The following APBB1IP variants were observed in gnomAD, a reference collection of about 807,000 sequenced individuals.
APBB1IP encodes the protein amyloid beta precursor protein binding family B member 1 interacting protein.
A neutral mutation model predicts 64.9 loss-of-function variants in APBB1IP; 27 were observed. The observed-to-expected ratio is 0.42, with a 90% CI of 0.31 to 0.57. APBB1IP has a LOEUF of 0.57. Among genes scored for constraint, APBB1IP ranks in the 20% least tolerant of loss-of-function variants. The probability of loss-of-function intolerance (pLI) is 0.20; values close to 1 mark genes in which losing one functional copy is unlikely to be tolerated. For missense variants in APBB1IP, 812 were observed against 845.5 expected (o/e 0.96, Z 0.49); for synonymous variants, 392 against 331.0 (o/e 1.18, Z -2.00).
At chr10:26,476,580 A>C (rs1835779248) in intron 2 of APBB1IP, among the ~76,000 whole-genome samples, 1 of 152,028 alleles carries the variant, frequency 6.6e-6, no homozygotes, top group Admixed American at 6.5e-5. Flanking sequence ...CTCATTATTT[A>C]CATTCTGCTA....
intron 6 of APBB1IP, among the ~76,000 whole-genome samples, chr10:26,508,694 T>C (rs1836215208): frequency 6.6e-6 from 1 of 152,154 alleles, no homozygotes; most frequent in Non-Finnish European, 1.5e-5. Context: ...CTGTGAAGAA[T>C]AGTAAATATA....
At chr10:26,524,955 C>CTTTCTTTTTTTTTTTTTTT (rs747655095) in intron 8 of APBB1IP, among the ~76,000 whole-genome samples, 4 of 73,958 alleles carry the variant, frequency 5.4e-5, no homozygotes, top group Non-Finnish European at 7.8e-5. Flanking sequence ...TTCTTTCTTT[C>CTTTCTTTTTTTTTTTTTTT]TTTTTTTTTT....
At chr10:26,560,936 T>C (rs979204961) in intron 13 of APBB1IP, 92 bp downstream of exon 13, 5 of 892,972 alleles carry the variant, frequency 5.6e-6, no homozygotes, top group Non-Finnish European at 8.1e-6. Context: ...CAGGACTTTG[T>C]ACACAGCATT....
intron 5 of APBB1IP, 104 bp from the exon 6 acceptor site, chr10:26,503,093 C>A (rs1435706003): frequency 1.8e-5 from 19 of 1,048,348 alleles, no homozygotes; most frequent in African/African-American, 6.4e-5. Context: ...AAATTTGGTA[C>A]CTTTTGTTAA....
chr10:26,485,484 A>G (rs770451441), intron 2 of APBB1IP, among the ~76,000 whole-genome samples: 6 of 152,220 alleles, frequency 3.9e-5, no homozygotes, highest in East Asian at 1.9e-4. Flanking sequence ...GAACACAAAC[A>G]TCAACAAGAT....
At chr10:26,524,957 T>TTC (rs1203444412) in intron 8 of APBB1IP, among the ~76,000 whole-genome samples, 8 of 130,398 alleles carry the variant, frequency 6.1e-5, no homozygotes, top group Admixed American at 1.7e-4. Context: ...CTTTCTTTCT[T>TTC]TTTTTTTTTT....
chr10:26,536,682 C>A (rs966812197), intron 10 of APBB1IP, among the ~76,000 whole-genome samples: 2 of 151,390 alleles, frequency 1.3e-5, no homozygotes, highest in African/African-American at 4.9e-5. Context: ...ACCTCCACCT[C>A]CCAGGCTCAA....
intron 11 of APBB1IP, among the ~76,000 whole-genome samples, chr10:26,550,568 G>A (rs564021453): frequency 6.6e-5 from 10 of 151,158 alleles, no homozygotes; most frequent in Admixed American, 6.6e-5. Flanking sequence ...CATTTTGTTT[G>A]TTATACTTTT....
Position 26,522,741 on chromosome 10 carries a change from G to C in APBB1IP, c.813+9081G>C, listed in dbSNP as rs1294879132. 2.6e-5 allele frequency among the ~76,000 whole-genome samples: 4 copies of C among 151,814 alleles called. No homozygotes were observed. The East Asian group carries it at 7.7e-4, about 29-fold the overall frequency. ...ATAAAAAGCAAAAATGGGAGGCCAG[G>C]CACAGTGGCTCACACCTGTAATCCC... On this transcript the variant is annotated intron_variant, in intron 8 of 14. Transcript: ENST00000376236.
chr10:26,498,038 G>C (rs1411286689), intron 4 of APBB1IP, among the ~76,000 whole-genome samples: 1 of 151,982 alleles, frequency 6.6e-6, no homozygotes, highest in Non-Finnish European at 1.5e-5. Context: ...GGATTTCTTT[G>C]TTTCTATCAT....
At chr10:26,514,941 G>A (rs1381586472) in intron 8 of APBB1IP, among the ~76,000 whole-genome samples, 2 of 151,330 alleles carry the variant, frequency 1.3e-5, no homozygotes, top group Non-Finnish European at 2.9e-5. Context: ...GTGCAATCTC[G>A]GCTCACTGAA....
At chr10:26,531,840 G>A (rs1836558651) in intron 8 of APBB1IP, among the ~76,000 whole-genome samples, 1 of 152,118 alleles carries the variant, frequency 6.6e-6, no homozygotes, top group Non-Finnish European at 1.5e-5. Context: ...CAGCTATTTA[G>A]AAGGCTGAGC....
At chr10:26,523,954 C>T (rs574105848) in intron 8 of APBB1IP, among the ~76,000 whole-genome samples, 14 of 152,014 alleles carry the variant, frequency 9.2e-5, no homozygotes, top group Non-Finnish European at 1.5e-4. Flanking sequence ...TAATTTATGT[C>T]ATCATTTCTC....
At chr10:26,473,159 G>T in intron 2 of APBB1IP, among the ~76,000 whole-genome samples, 1 of 152,008 alleles carries the variant, frequency 6.6e-6, no homozygotes, top group East Asian at 1.9e-4. Flanking sequence ...TGATTTTTAG[G>T]TTTATCAAAA....
At chr10:26,516,703 T>C (rs757563903) in intron 8 of APBB1IP, among the ~76,000 whole-genome samples, 11 of 152,184 alleles carry the variant, frequency 7.2e-5, no homozygotes, top group South Asian at 6.2e-4. Context: ...GAAGATAAGA[T>C]GAACATAGAG....
At chr10:26,450,915 C>T (rs1394189200) in intron 2 of APBB1IP, among the ~76,000 whole-genome samples, 1 of 152,048 alleles carries the variant, frequency 6.6e-6, no homozygotes, top group Non-Finnish European at 1.5e-5. Flanking sequence ...AGGCTGGTCT[C>T]GAACTCCTGA....
chr10:26,523,010 C>CAAAA (rs35641109), intron 8 of APBB1IP, among the ~76,000 whole-genome samples: 8 of 64,694 alleles, frequency 1.2e-4, no homozygotes, highest in Admixed American at 1.8e-4. Flanking sequence ...ACTCCATCTC[C>CAAAA]AAAAAAAAAA....
At chr10:26,483,285 A>G (rs1038990121) in intron 2 of APBB1IP, among the ~76,000 whole-genome samples, 4 of 152,138 alleles carry the variant, frequency 2.6e-5, no homozygotes, top group Non-Finnish European at 5.9e-5. Context: ...GGATCAATAA[A>G]TATTTGATGA....
intron 2 of APBB1IP, among the ~76,000 whole-genome samples, chr10:26,449,290 T>C (rs1249937137): frequency 6.6e-6 from 1 of 152,096 alleles, no homozygotes; most frequent in Non-Finnish European, 1.5e-5. Flanking sequence ...CTTGGGTGTG[T>C]GTTTATGTTT....
Sources: allele counts gnomAD v4.1 joint callset (sites outside exome capture counted in the v4.1 genomes callset), GRCh38; gene constraint gnomAD v4.1.1; transcripts MANE v1.5; gene names NCBI Gene and HGNC (gene_info 2026-07-23, HGNC 2026-07-21).